The following LTBP1 variants were observed in gnomAD, a reference collection of about 807,000 sequenced individuals.
LTBP1 encodes latent transforming growth factor beta binding protein 1, also known as latent-transforming growth factor beta-binding protein 1.
LTBP1 carries 129 observed loss-of-function variants against 207.6 expected under a neutral mutation model. The observed-to-expected ratio is 0.62, with a 90% CI of 0.54 to 0.72. The LOEUF (loss-of-function observed/expected upper bound fraction) is 0.72. Ranked by LOEUF, LTBP1 falls within the 30% of genes least tolerant of loss-of-function variation. LTBP1 has a pLI of 0.00. For synonymous variants in LTBP1, 963 were observed against 833.7 expected (o/e 1.16, Z -2.67); for missense variants, 2,281 against 2,217.2 (o/e 1.03, Z -0.58).
rs548757998 is a variant in LTBP1, at chr2:33,093,712, G to A, written c.864-16870G>A. ...GGTTTAAAAATAACAATGATTTCTT[G>A]CAAAGAGAAATCATAATTGTGAAGC... On this transcript the variant is annotated intron_variant, in intron 3 of 33. Transcript: ENST00000404816. Among the ~76,000 whole-genome samples the A allele has an allele frequency of 6.6e-5, 10 of 151,924 alleles. No individual in the cohort carries two copies. The South Asian group carries it at 1.9e-3, about 28-fold the overall frequency.
intron 26 of LTBP1, among the ~76,000 whole-genome samples, chr2:33,349,809 T>G (rs989061821): frequency 2.0e-5 from 3 of 152,224 alleles, no homozygotes; most frequent in Non-Finnish European, 2.9e-5. Flanking sequence ...TTTAATTAAA[T>G]TATGTAAGTA....
intron 31 of LTBP1, among the ~76,000 whole-genome samples, chr2:33,377,371 T>A (rs542918954): frequency 6.6e-6 from 1 of 152,304 alleles, no homozygotes; most frequent in East Asian, 1.9e-4. Context: ...TAGAGAACAG[T>A]TCAAGGCGAG....
chr2:33,162,148 T>G (rs1212517836), intron 5 of LTBP1, among the ~76,000 whole-genome samples: 1 of 152,226 alleles, frequency 6.6e-6, no homozygotes, highest in African/African-American at 2.4e-5. Flanking sequence ...ACTACCTTTT[T>G]GTGGCTGAAG....
intron 3 of LTBP1, among the ~76,000 whole-genome samples, chr2:33,044,960 T>C (rs1486714004): frequency 1.3e-5 from 2 of 152,166 alleles, no homozygotes; most frequent in African/African-American, 4.8e-5. Context: ...ATGGGGTTGT[T>C]TGGTTTTTTT....
Position 32,983,751 on chromosome 2 carries a change from G to T in LTBP1, c.565+34806G>T, listed in dbSNP as rs180859747. ...CTGACGCCATGTAAAATGTGCCTTT[G>T]CTCCTCCTTTGCCCTCTGCCATGAT... is the stretch of plus-strand genomic sequence containing the variant. On this transcript the variant is annotated intron_variant, in intron 2 of 33. Coordinates refer to ENST00000404816, the MANE Select transcript of LTBP1 (RefSeq NM_206943.4). Among the ~76,000 whole-genome samples the T allele has an allele frequency of 6.6e-5, 10 of 152,292 alleles. No individual in the cohort carries two copies. In the East Asian group the frequency reaches 1.9e-3, roughly 29 times the overall value.
At chr2:33,173,609 T>C (rs1481820436) in intron 5 of LTBP1, among the ~76,000 whole-genome samples, 1 of 134,358 alleles carries the variant, frequency 7.4e-6, no homozygotes, top group South Asian at 2.3e-4. Flanking sequence ...CTTCTGAAAC[T>C]ATTCCAATCA....
intron 5 of LTBP1, among the ~76,000 whole-genome samples, chr2:33,173,169 G>A (rs933199888): frequency 1.1e-4 from 16 of 151,802 alleles, no homozygotes; most frequent in South Asian, 4.2e-4. Context: ...CAGAAGTGAA[G>A]GAAATAGAGA....
chr2:33,240,294 A>G (rs1458399584), intron 9 of LTBP1, among the ~76,000 whole-genome samples: 4 of 152,210 alleles, frequency 2.6e-5, no homozygotes, highest in Admixed American at 2.0e-4. Flanking sequence ...GTTAAGTCTA[A>G]ATAGAATTCT....
At chr2:33,137,153 C>T (rs1301310764) in intron 5 of LTBP1, among the ~76,000 whole-genome samples, 1 of 152,084 alleles carries the variant, frequency 6.6e-6, no homozygotes. Flanking sequence ...CAGAAAAATT[C>T]AAAAACGTTT....
Position 33,347,522 on chromosome 2 carries a change from T to C in LTBP1, c.4000+12T>C. ...CCGGACCTCCACAGGTAAGTCCCAG[T>C]GACACTGTGCAAGGGAATGACAGGC... On this transcript the variant is annotated intron_variant, in intron 26 of 33. Coordinates refer to ENST00000404816, the MANE Select transcript of LTBP1 (RefSeq NM_206943.4). 4 of 1,613,918 alleles carry C rather than the reference T, an allele frequency of 2.5e-6. No individual in the cohort carries two copies. The highest frequency in any genetic ancestry group is 3.4e-6 in the Non-Finnish European group (4 of 1,179,976).
chr2:33,274,365 C>G (rs1435942164), intron 16 of LTBP1, among the ~76,000 whole-genome samples: 1 of 148,960 alleles, frequency 6.7e-6, no homozygotes, highest in Non-Finnish European at 1.5e-5. Context: ...AAAGAAAATT[C>G]AGCACTAAAT....
chr2:33,378,620 T>A (rs2095174153), intron 31 of LTBP1, among the ~76,000 whole-genome samples: 1 of 152,230 alleles, frequency 6.6e-6, no homozygotes, highest in South Asian at 2.1e-4. Flanking sequence ...AAGCATGAAC[T>A]GTGATGAGTC....
At chr2:33,076,588 G>C (rs1334982566) in intron 3 of LTBP1, among the ~76,000 whole-genome samples, 2 of 151,714 alleles carry the variant, frequency 1.3e-5, no homozygotes, top group Non-Finnish European at 2.9e-5. Context: ...CCAGGCTGGA[G>C]TGCAGTGGCG....
intron 15 of LTBP1, among the ~76,000 whole-genome samples, chr2:33,272,284 G>A (rs1001676486): frequency 7.2e-5 from 11 of 152,176 alleles, no homozygotes; most frequent in African/African-American, 1.9e-4. Flanking sequence ...TGTTATTAGC[G>A]AGAATAGCCC....
chr2:33,028,393 A>G (rs2075533661), intron 3 of LTBP1, among the ~76,000 whole-genome samples: 1 of 152,114 alleles, frequency 6.6e-6, no homozygotes, highest in African/African-American at 2.4e-5. Flanking sequence ...TGAGAGGCCT[A>G]GCGTGGTGGC....
At chr2:33,185,528 T>A (rs557997245) in intron 5 of LTBP1, among the ~76,000 whole-genome samples, 1 of 151,192 alleles carries the variant, frequency 6.6e-6, no homozygotes, top group South Asian at 2.1e-4. Flanking sequence ...GTGTGTAGAG[T>A]CAGTGAAGAA....
Position 32,971,705 on chromosome 2 carries a change from T to C in LTBP1, c.565+22760T>C, listed in dbSNP as rs904125611. ...CTGGATTTAGTTTGCTAGTATTTTG[T>C]TGAGGATTTTGTATCTGTGTTCATC... On this transcript the variant is annotated intron_variant, in intron 2 of 33. Transcript: ENST00000404816. Among the ~76,000 whole-genome samples, 2 of 152,232 alleles carry C rather than the reference T, an allele frequency of 1.3e-5. 1 individual carries two copies. Among genetic ancestry groups the C allele is most frequent in the South Asian group, 4.1e-4 (2 of 4,832 alleles).
At chr2:32,950,617 G>T (rs1250862161) in intron 2 of LTBP1, among the ~76,000 whole-genome samples, 1 of 151,814 alleles carries the variant, frequency 6.6e-6, no homozygotes, top group Non-Finnish European at 1.5e-5. Flanking sequence ...TGTAATCCTG[G>T]CTACTCAGGA....
At chr2:33,263,526 T>A (rs901060471) in intron 15 of LTBP1, 134 bp downstream of exon 15, 4 of 584,904 alleles carry the variant, frequency 6.8e-6, no homozygotes, top group African/African-American at 5.5e-5. Context: ...GGAAATCATC[T>A]AAATACAGTT....
Sources: gnomAD v4.1 joint callset for allele counts (sites outside exome capture counted in the v4.1 genomes callset) on GRCh38, gnomAD v4.1.1 for gene constraint, MANE v1.5 for transcripts, NCBI Gene and HGNC (gene_info 2026-07-23, HGNC 2026-07-21) for gene names.